Variants in EML6 observed in about 807,000 individuals in gnomAD.
EML6 encodes the protein echinoderm microtubule-associated protein-like 6.
Under a neutral mutation model 240.1 loss-of-function variants are expected in EML6, and 154 were observed. That is an observed-to-expected ratio of 0.64 (90% CI 0.56 to 0.73). EML6 has a LOEUF of 0.73. Among genes scored for constraint, EML6 ranks in the 30% least tolerant of loss-of-function variants. The pLI, the probability that EML6 is intolerant of heterozygous loss-of-function variation, is 0.00. For missense variants in EML6, 2,964 were observed against 2,474.6 expected (o/e 1.20, Z -4.20); for synonymous variants, 1,148 against 899.0 (o/e 1.28, Z -4.95).
chr2:54,803,865 G>A (rs1000411817), intron 2 of EML6, among the ~76,000 whole-genome samples: 6 of 152,198 alleles, frequency 3.9e-5, no homozygotes, highest in Non-Finnish European at 8.8e-5. Flanking sequence ...TCCCTGTGGT[G>A]CTGACTCTCC....
rs1465931077 is a variant in EML6 at position 54,724,083 on chromosome 2, C to T, written c.-514+306C>T. ...TTTTGCCACTTGTTATTTGATTTCTCCTCGACCAGGAGCGTTTGTAGGTAG... is the reference window on the plus strand; with the variant it reads ...TTTTGCCACTTGTTATTTGATTTCTTCTCGACCAGGAGCGTTTGTAGGTAG... On this transcript the variant is annotated intron_variant, in intron 1 of 41. Transcript: ENST00000356458. This position sits in a 1 kb window ranked among gnomAD's most constrained non-coding sequence, Gnocchi z 5.2. Among the ~76,000 whole-genome samples the T allele has an allele frequency of 3.3e-5, 5 of 152,214 alleles. No homozygotes were observed. Among genetic ancestry groups the T allele is most frequent in the Non-Finnish European group, 7.3e-5 (5 of 68,042 alleles).
chr2:54,843,897 C>T, intron 7 of EML6, 150 bp from the exon 8 acceptor site: 1 of 649,028 alleles, frequency 1.5e-6, no homozygotes, highest in East Asian at 2.8e-5. Context: ...GATTCTCTGC[C>T]TCCAAGAGTC....
intron 28 of EML6, among the ~76,000 whole-genome samples, chr2:54,940,232 A>C (rs1032397125): frequency 1.3e-5 from 2 of 152,234 alleles, no homozygotes; most frequent in African/African-American, 4.8e-5. Flanking sequence ...ATAAGGCATT[A>C]AAACCTATCT....
rs556845742 is a variant in EML6 at position 54,895,503 on chromosome 2, T to G, written c.2982+103T>G. 2.6e-6 allele frequency: 3 copies of G among 1,170,196 alleles called. No homozygotes were observed. In the Admixed American group the frequency reaches 6.8e-5, roughly 26 times the overall value. The allele number at this position is 1,170,196 out of a possible 1,614,324, so 72.5% of individuals were successfully genotyped here. On this transcript the variant is annotated intron_variant, in intron 21 of 41. Coordinates refer to ENST00000356458, the MANE Select transcript of EML6 (RefSeq NM_001039753.4). Reference sequence around the variant, plus strand: ...GCAAAACTTAAGGAGGCACTCACTCTCAGGGTTGCACAAGAGTTGAACTAG... The same window carrying G: ...GCAAAACTTAAGGAGGCACTCACTCGCAGGGTTGCACAAGAGTTGAACTAG...
chr2:54,823,882 G>C (rs199849096), intron 5 of EML6, among the ~76,000 whole-genome samples: 8,614 of 85,368 alleles, frequency 0.1, 560 homozygotes, highest in African/African-American at 0.24. Context: ...CTCTCTTTCT[G>C]TCTCTCTCTC....
In EML6 at chr2:54,899,524, T is replaced by C. The variant is rs956142228; in HGVS notation, c.2983-117T>C. The C allele has an allele frequency of 3.9e-6, 4 of 1,024,336 alleles. No homozygotes were observed. The African/African-American group carries it at 6.5e-5, about 17-fold the overall frequency. The allele number at this position is 1,024,336 out of a possible 1,614,324, so 63.5% of individuals were successfully genotyped here. ...GGTTCAAGGAAGCTCAAAGTGTGTT[T>C]ATTCCTATTTGTGCTTTTTTGTGGT... On this transcript the variant is annotated intron_variant, in intron 21 of 41. Coordinates refer to ENST00000356458, the MANE Select transcript of EML6 (RefSeq NM_001039753.4).
chr2:54,792,441 A>T (rs149855397), intron 2 of EML6, among the ~76,000 whole-genome samples: 1 of 152,210 alleles, frequency 6.6e-6, no homozygotes, highest in Admixed American at 6.5e-5. Flanking sequence ...TGCCCCTGCA[A>T]TCTCACTCCT....
At chr2:54,931,979 G>C (rs190672147) in intron 28 of EML6, among the ~76,000 whole-genome samples, 1 of 152,190 alleles carries the variant, frequency 6.6e-6, no homozygotes, top group African/African-American at 2.4e-5. Context: ...GATATTTGTG[G>C]ATTGTTTCTA....
intron 29 of EML6, among the ~76,000 whole-genome samples, chr2:54,949,597 C>G (rs778295106): frequency 6.6e-6 from 1 of 152,292 alleles, no homozygotes. Flanking sequence ...AGACTCCACC[C>G]TCTCTCTCTG....
chr2:54,790,601 G>C (rs1354634444), intron 2 of EML6, among the ~76,000 whole-genome samples: 1 of 151,972 alleles, frequency 6.6e-6, no homozygotes, highest in Non-Finnish European at 1.5e-5. Flanking sequence ...AATAGACTTA[G>C]AAGCAAGAAA....
intron 2 of EML6, among the ~76,000 whole-genome samples, chr2:54,809,867 T>G (rs1006481720): frequency 6.6e-5 from 10 of 152,290 alleles, no homozygotes; most frequent in African/African-American, 9.6e-5. Context: ...GGCTGTGCCC[T>G]GGATGAGACA....
chr2:54,866,039 T>C (rs1037329169), intron 13 of EML6, among the ~76,000 whole-genome samples: 1 of 152,186 alleles, frequency 6.6e-6, no homozygotes, highest in African/African-American at 2.4e-5. Flanking sequence ...GACAAAACAG[T>C]AGTGAGAGTT....
At chr2:54,765,824 T>G (rs948080782) in intron 2 of EML6, among the ~76,000 whole-genome samples, 2 of 138,588 alleles carry the variant, frequency 1.4e-5, no homozygotes, top group Non-Finnish European at 3.1e-5. Context: ...AATAAATACT[T>G]TAACCATTTC....
Position 54,971,616 on chromosome 2 carries a change from C to T in EML6, c.*1521C>T, listed in dbSNP as rs1370180233. On this transcript the variant is annotated 3_prime_UTR_variant, in exon 42 of 42. Coordinates refer to ENST00000356458, the MANE Select transcript of EML6 (RefSeq NM_001039753.4). Reference sequence around the variant, plus strand: ...TATATGCCAATTTACTAATGCCTTACATCAATCCACTAATAGGTTGTTGGG... The same window carrying T: ...TATATGCCAATTTACTAATGCCTTATATCAATCCACTAATAGGTTGTTGGG... 2 of 152,194 alleles carry T rather than the reference C, an allele frequency of 1.3e-5. No homozygotes were observed. The highest frequency in any genetic ancestry group is 2.9e-5 in the Non-Finnish European group (2 of 68,036). 9.4% of individuals were successfully genotyped at this position (152,194 alleles called of 1,614,324 possible).
rs970373503 is a variant in EML6, at chr2:54,787,472, C to T, written c.198-25760C>T. Among the ~76,000 whole-genome samples, 14 of 152,164 alleles carry T rather than the reference C, an allele frequency of 9.2e-5. 1 individual carries two copies. The highest frequency in any genetic ancestry group is 9.2e-4 in the Admixed American group (14 of 15,282). On this transcript the variant is annotated intron_variant, in intron 2 of 41. Transcript: ENST00000356458. ...CCAGCTGTGTGGCCTGGGCAAGTTC[C>T]TTAACCTCCGTGAGCCGCAGTATGT...
At chr2:54,956,275 CT>C in intron 32 of EML6, among the ~76,000 whole-genome samples, 1 of 2,606 alleles carries the variant, frequency 3.8e-4, no homozygotes, top group East Asian at 0.013. Context: ...GAGCTGGAAT[CT>C]CTTTCCTTTG....
rs1669483025 is a variant in EML6 at position 54,792,026 on chromosome 2, G to C, written c.198-21206G>C. Among the ~76,000 whole-genome samples, 5 of 152,336 alleles carry C rather than the reference G, an allele frequency of 3.3e-5. No individual in the cohort carries two copies. The South Asian group carries it at 1.0e-3, about 32-fold the overall frequency. On this transcript the variant is annotated intron_variant, in intron 2 of 41. Transcript: ENST00000356458. ...CTCTTTAGAAGCTTCCGCATAAGCA[G>C]ACATCAGAATGCGCCTGGACCTCCC...
At chr2:54,894,224 G>C (rs920271444) in intron 19 of EML6, among the ~76,000 whole-genome samples, 1 of 149,734 alleles carries the variant, frequency 6.7e-6, no homozygotes, top group Non-Finnish European at 1.5e-5. Context: ...AAACCTCTAA[G>C]AACAGTTGGT....
At chr2:54,798,680 G>A (rs745711901) in intron 2 of EML6, among the ~76,000 whole-genome samples, 1 of 151,990 alleles carries the variant, frequency 6.6e-6, no homozygotes, top group Admixed American at 6.6e-5. Flanking sequence ...TTATTGATTA[G>A]GATAATAGGA....
Sources: gnomAD v4.1 joint callset for allele counts (sites outside exome capture counted in the v4.1 genomes callset) on GRCh38, gnomAD v4.1.1 for gene constraint, Gnocchi (gnomAD v3.1) non-coding constraint, MANE v1.5 for transcripts, NCBI Gene and HGNC (gene_info 2026-07-23, HGNC 2026-07-21) for gene names.